The following GALNT1 variants were observed in gnomAD, a reference collection of about 807,000 sequenced individuals.
GALNT1 encodes the protein polypeptide N-acetylgalactosaminyltransferase 1.
A neutral mutation model predicts 65.7 loss-of-function variants in GALNT1; 17 were observed. That is an observed-to-expected ratio of 0.26 (90% confidence interval 0.18 to 0.39). GALNT1 has a LOEUF of 0.39. GALNT1 is among the 10% of genes least tolerant of loss of function. The pLI is 1.00. For missense variants in GALNT1, 460 were observed against 672.8 expected, an observed-to-expected ratio of 0.68 and a Z score of 3.50; for synonymous variants, 210 against 219.7, an observed-to-expected ratio of 0.96 and a Z score of 0.39.
chr18:35,690,331 C>T (rs16967010), intron 7 of GALNT1, among the ~76,000 whole-genome samples: 14,475 of 152,006 alleles, frequency 0.095, 828 homozygotes, highest in African/African-American at 0.17. Context: ...CAAGCCGTGA[C>T]GCAGGTTTGG....
chr18:35,662,249 T>C (rs2047488039), intron 2 of GALNT1, among the ~76,000 whole-genome samples: 4 of 152,208 alleles, frequency 2.6e-5, no homozygotes, highest in Admixed American at 2.6e-4. Flanking sequence ...GGAGCTTACT[T>C]ACTGGGCAAA....
At chr18:35,589,078 T>TG (rs2046413029) in intron 1 of GALNT1, among the ~76,000 whole-genome samples, 1 of 152,112 alleles carries the variant, frequency 6.6e-6, no homozygotes, top group Non-Finnish European at 1.5e-5. Flanking sequence ...GGAAGGTTGG[T>TG]GGGGAGGGCA....
intron 1 of GALNT1, among the ~76,000 whole-genome samples, chr18:35,642,535 T>A (rs1299179185): frequency 6.6e-6 from 1 of 152,222 alleles, no homozygotes; most frequent in Admixed American, 6.5e-5. Flanking sequence ...ATGTTCTTAT[T>A]GTTAAACCAG....
chr18:35,692,405 C>G, intron 9 of GALNT1, 85 bp downstream of exon 9: 3 of 835,376 alleles, frequency 3.6e-6, no homozygotes, highest in Non-Finnish European at 3.3e-6. Flanking sequence ...GTTAAACTTC[C>G]AATAAGGAAA....
chr18:35,663,590 A>C, intron 2 of GALNT1, 38 bp from the exon 3 acceptor site: 1 of 1,559,270 alleles, frequency 6.4e-7, no homozygotes, highest in South Asian at 1.2e-5. Flanking sequence ...ATCAATTGCT[A>C]TGAAATTAAT....
chr18:35,587,804 T>G (rs577693704), intron 1 of GALNT1, among the ~76,000 whole-genome samples: 1 of 152,354 alleles, frequency 6.6e-6, no homozygotes, highest in African/African-American at 2.4e-5. Context: ...AATGTTTCCC[T>G]CTCAGCACTG....
At position 35,677,748 on chromosome 18, in the gene GALNT1, A is replaced by G; in HGVS notation, c.472A>G (p.Ser158Gly). The stretch of plus-strand genomic sequence containing the variant: ...AGAAATTGTTCTAGTAGATGATGCC[A>G]GTGAAAGAGGTAAATTTTAAATTTT... ...IEEIVLVDDASERDFLKRPLE... is the reference protein window; with the variant it reads ...IEEIVLVDDAGERDFLKRPLE... Residue 158 changes from serine to glycine, a missense_variant, in exon 4 of 12, where the codon AGT (serine) becomes GGT (glycine). Ser to Gly is a moderately conservative substitution (Grantham distance 56, BLOSUM62 0). Transcript: ENST00000269195. 2 of 1,597,196 alleles carry G rather than the reference A, an allele frequency of 1.3e-6. No homozygotes were observed. Among genetic ancestry groups the G allele is most frequent in the Admixed American group, 1.7e-5 (1 of 58,574 alleles).
intron 1 of GALNT1, among the ~76,000 whole-genome samples, chr18:35,587,271 A>G (rs1172893216): frequency 1.3e-5 from 2 of 152,200 alleles, no homozygotes; most frequent in South Asian, 2.1e-4. Flanking sequence ...GGGATTTTCT[A>G]TGCAGACTAC....
chr18:35,610,965 A>G (rs2046708904), intron 1 of GALNT1, among the ~76,000 whole-genome samples: 1 of 152,154 alleles, frequency 6.6e-6, no homozygotes, highest in Admixed American at 6.5e-5. Flanking sequence ...GAATGACAGT[A>G]AACAGGCAAA....
chr18:35,634,507 C>G (rs1452027427), intron 1 of GALNT1, among the ~76,000 whole-genome samples: 1 of 152,124 alleles, frequency 6.6e-6, no homozygotes, highest in Non-Finnish European at 1.5e-5. Context: ...AGTTCAGAGG[C>G]AAACAGACAC....
chr18:35,647,339 T>G (rs1483288465), intron 1 of GALNT1, among the ~76,000 whole-genome samples: 3 of 152,236 alleles, frequency 2.0e-5, no homozygotes, highest in Non-Finnish European at 4.4e-5. Flanking sequence ...ACTCTGAACT[T>G]CATAAAGTCA....
chr18:35,679,366 G>A (rs1459950401), intron 4 of GALNT1, among the ~76,000 whole-genome samples: 1 of 152,122 alleles, frequency 6.6e-6, no homozygotes, highest in East Asian at 1.9e-4. Context: ...TTCTGTGAAT[G>A]CCCAAGAAGG....
chr18:35,636,200 T>C (rs751928721), intron 1 of GALNT1, among the ~76,000 whole-genome samples: 3 of 152,210 alleles, frequency 2.0e-5, no homozygotes, highest in Non-Finnish European at 4.4e-5. Context: ...TGCAGAACTT[T>C]ACAGACCCTT....
Position 35,654,706 on chromosome 18 carries a change from T to C in GALNT1, c.44T>C (p.Leu15Ser). The C allele has an allele frequency of 1.3e-6, 2 of 1,564,512 alleles. No individual in the cohort carries two copies. The highest frequency in any genetic ancestry group is 1.7e-6 in the Non-Finnish European group (2 of 1,152,310). Reference sequence around the variant, plus strand: ...TGCAAGGTGGTCCTAGCCACCTCCTTGATTTGGGTACTCTTGGATATGTTC... The same window carrying C: ...TGCAAGGTGGTCCTAGCCACCTCCTCGATTTGGGTACTCTTGGATATGTTC... The part of the protein sequence containing the change: ...AYCKVVLATS[L>S]IWVLLDMFLL... Residue 15 changes from leucine (L) to serine (S), a missense_variant, in exon 2 of 12, where the codon TTG (leucine) becomes TCG (serine). Leu to Ser is a moderately radical substitution (Grantham distance 145). Coordinates refer to ENST00000269195, the MANE Select transcript of GALNT1 (RefSeq NM_020474.4).
intron 1 of GALNT1, among the ~76,000 whole-genome samples, chr18:35,601,748 A>T (rs1432666182): frequency 2.6e-5 from 4 of 152,216 alleles, no homozygotes; most frequent in African/African-American, 9.6e-5. Context: ...TGTGCCGATG[A>T]AAAGAATATG....
intron 1 of GALNT1, among the ~76,000 whole-genome samples, chr18:35,633,223 TAC>T (rs1427937122): frequency 3.9e-5 from 6 of 152,194 alleles, no homozygotes; most frequent in Non-Finnish European, 8.8e-5. Context: ...TCAATCATGC[TAC>T]TATAAAGACA....
intron 1 of GALNT1, among the ~76,000 whole-genome samples, chr18:35,638,334 T>C (rs772507538): frequency 2.6e-5 from 4 of 152,124 alleles, no homozygotes; most frequent in Non-Finnish European, 4.4e-5. Flanking sequence ...AGGAGGGTGT[T>C]GTAAAGAGTT....
In GALNT1 at chr18:35,605,394, A is replaced by C. The variant is rs1462883181; in HGVS notation, c.-104+23532A>C. On this transcript the variant is annotated intron_variant, in intron 1 of 11. Coordinates refer to ENST00000269195, the MANE Select transcript of GALNT1 (RefSeq NM_020474.4). ...GCATCTGAAATCTCAGCTATTCAGG[A>C]GGCTGAGGCAGGAAAATTGCTTGAA... is the stretch of plus-strand genomic sequence containing the variant. Among the ~76,000 whole-genome samples the C allele has an allele frequency of 5.9e-5, 9 of 151,602 alleles. No homozygotes were observed. In the East Asian group the frequency reaches 9.7e-4, roughly 16 times the overall value.
chr18:35,616,098 A>G (rs1207839087), intron 1 of GALNT1, among the ~76,000 whole-genome samples: 1 of 152,218 alleles, frequency 6.6e-6, no homozygotes, highest in Admixed American at 6.5e-5. Flanking sequence ...AGTGAACTAC[A>G]TCAATATGGA....
Sources: allele counts gnomAD v4.1 joint callset (sites outside exome capture counted in the v4.1 genomes callset), GRCh38; gene constraint gnomAD v4.1.1; transcripts MANE v1.5; gene names NCBI Gene and HGNC (gene_info 2026-07-23, HGNC 2026-07-21).